GTF2H1: variants seen among roughly 807,000 people sequenced by gnomAD.
The protein encoded by GTF2H1 is general transcription factor IIH subunit 1, also known as BTF2 p62.
In GTF2H1, 16 loss-of-function variants were observed where a neutral mutation model predicts 71.2. The observed-to-expected ratio is 0.22, with a 90% CI of 0.15 to 0.34. The LOEUF (loss-of-function observed/expected upper bound fraction) is 0.34, where lower values mean the gene tolerates loss of function less well. Among genes scored for constraint, GTF2H1 ranks in the 10% least tolerant of loss-of-function variants. The pLI is 1.00. For missense variants in GTF2H1, 498 were observed against 648.2 expected (o/e 0.77, Z 2.52); for synonymous variants, 215 against 219.0 (o/e 0.98, Z 0.16).
In GTF2H1 at chr11:18,335,801, G is replaced by C; in HGVS notation, c.202G>C (p.Val68Leu). Reference protein sequence around the residue: ...EGKAKIQLQLVLHAGDTTNFH... With the variant: ...EGKAKIQLQLLLHAGDTTNFH... ...AAAAGCTAAAATTCAGCTTCAGCTGGTCCTACATGCAGGGGACACAACTAA... is the reference window on the plus strand; with the variant it reads ...AAAAGCTAAAATTCAGCTTCAGCTGCTCCTACATGCAGGGGACACAACTAA... Residue 68 changes from valine to leucine, a missense_variant, in exon 3 of 15, where the codon GTC becomes CTC. By Grantham distance (32) the Val-to-Leu change is conservative (BLOSUM62 1). Around this residue, in one of 3 missense-constraint regions of GTF2H1, gnomAD observed 216 missense variants for 306.2 expected, o/e 0.71. Coordinates refer to ENST00000265963, the MANE Select transcript of GTF2H1 (RefSeq NM_005316.4). 6.2e-7 allele frequency: 1 copy of C among 1,614,064 alleles called. No homozygotes were observed. Among genetic ancestry groups the C allele is most frequent in the African/African-American group, 1.3e-5 (1 of 75,026 alleles).
intron 4 of GTF2H1, 41 bp from the exon 5 acceptor site, chr11:18,339,523 C>G: frequency 7.2e-7 from 1 of 1,396,258 alleles, no homozygotes; most frequent in East Asian, 2.3e-5. Flanking sequence ...CCATCTTTCC[C>G]TGATGCTCTA....
At chr11:18,346,867 A>G (rs1481273269) in intron 7 of GTF2H1, among the ~76,000 whole-genome samples, 1 of 144,200 alleles carries the variant, frequency 6.9e-6, no homozygotes, top group Non-Finnish European at 1.5e-5. Context: ...AGCCTCCCCA[A>G]CAGCTGGGAT....
intron 1 of GTF2H1, among the ~76,000 whole-genome samples, chr11:18,331,233 T>C (rs1590181581): frequency 3.3e-5 from 5 of 152,244 alleles, no homozygotes. Context: ...ATTTTTGTAT[T>C]TTTTGTGGGA....
chr11:18,360,692 G>C lies in GTF2H1; in HGVS notation c.1545G>C (p.Gln515His), dbSNP rs750224253. ...CATTCCAAGAAAAGATTCGGAGACA[G>C]TATTTAAGCACAAATGTAAGGCAGC... is the stretch of plus-strand genomic sequence containing the variant. The part of the protein sequence containing the change: ...LCPFQEKIRR[Q>H]YLSTNLVSHI... The change falls in exon 14 of 15, where the codon CAG becomes CAC. Residue 515 changes from glutamine (Q) to histidine (H), a missense_variant. By Grantham distance (24) the Gln-to-His change is conservative. This residue lies in a region of GTF2H1 where 266 missense variants were observed against 301.6 expected (regional missense o/e 0.88). Transcript: ENST00000265963. 1.7e-5 allele frequency: 26 copies of C among 1,552,516 alleles called. No individual in the cohort carries two copies. The South Asian group carries it at 2.7e-4, about 16-fold the overall frequency.
intron 2 of GTF2H1, among the ~76,000 whole-genome samples, chr11:18,334,205 C>T (rs1355343763): frequency 6.6e-6 from 1 of 152,148 alleles, no homozygotes; most frequent in Non-Finnish European, 1.5e-5. Context: ...CAATGAAACC[C>T]CATCTCTACT....
chr11:18,345,484 G>T (rs1217491842), intron 7 of GTF2H1, among the ~76,000 whole-genome samples: 1 of 151,056 alleles, frequency 6.6e-6, no homozygotes, highest in East Asian at 1.9e-4. Flanking sequence ...ATACATTGAT[G>T]AACAGCATAT....
In GTF2H1 at chr11:18,351,227, G is replaced by GAAAAAAA. The variant is rs570927805; in HGVS notation, c.1054-650_1054-644dup. Among the ~76,000 whole-genome samples, 738 of 140,654 alleles carry GAAAAAAA rather than the reference G, an allele frequency of 5.2e-3. 8 individuals carry two copies. Among genetic ancestry groups the GAAAAAAA allele is most frequent in the African/African-American group, 0.021 (710 of 34,628 alleles). The allele number at this position is 140,654 out of a possible 152,430, so 92.3% of individuals were successfully genotyped here. A position where few individuals can be genotyped will look rare whatever the true frequency, so the allele number is the denominator to read the frequency against. On this transcript the variant is annotated intron_variant, in intron 9 of 14. Coordinates refer to ENST00000265963, the MANE Select transcript of GTF2H1 (RefSeq NM_005316.4). ...CTGGGGAGGTGGTGATATGCGCCTA[G>GAAAAAAA]AAAAAAAAAATTTTTTAAGCCACAG...
intron 1 of GTF2H1, among the ~76,000 whole-genome samples, chr11:18,329,419 C>T (rs1864843668): frequency 6.6e-6 from 1 of 152,204 alleles, no homozygotes; most frequent in African/African-American, 2.4e-5. Context: ...GGGGTATGGG[C>T]AAGCAACCAT....
chr11:18,358,438 C>G (rs1355889519), intron 12 of GTF2H1, 87 bp from the exon 13 acceptor site: 1 of 734,752 alleles, frequency 1.4e-6, no homozygotes, highest in Admixed American at 2.3e-5. Flanking sequence ...AGTACACATT[C>G]AAATTTATTC....
At chr11:18,333,534 C>T (rs889227074) in intron 2 of GTF2H1, 2 of 188,818 alleles carry the variant, frequency 1.1e-5, no homozygotes, top group Non-Finnish European at 2.2e-5. Flanking sequence ...TGTGGTTGGA[C>T]ACTTAGGAAG....
At chr11:18,336,994 G>A (rs1441504892) in intron 3 of GTF2H1, among the ~76,000 whole-genome samples, 1 of 152,076 alleles carries the variant, frequency 6.6e-6, no homozygotes, top group African/African-American at 2.4e-5. Flanking sequence ...CAAGTGATCT[G>A]CCTGCCTGGG....
At chr11:18,351,182 A>G (rs1384596435) in intron 9 of GTF2H1, among the ~76,000 whole-genome samples, 3 of 152,064 alleles carry the variant, frequency 2.0e-5, no homozygotes, top group South Asian at 2.1e-4. Context: ...AATCTCCGCA[A>G]TTTAGGAGAC....
intron 11 of GTF2H1, among the ~76,000 whole-genome samples, chr11:18,354,689 A>G (rs952208340): frequency 1.3e-5 from 2 of 152,190 alleles, no homozygotes; most frequent in African/African-American, 4.8e-5. Flanking sequence ...CAGCCCTTCT[A>G]TGTATATCAG....
intron 14 of GTF2H1, among the ~76,000 whole-genome samples, chr11:18,364,084 G>A (rs1015367893): frequency 2.0e-5 from 3 of 151,724 alleles, no homozygotes; most frequent in Admixed American, 6.6e-5. Context: ...AAAAAAAAAA[G>A]AAAAGGATGC....
chr11:18,363,104 C>T (rs1360609420), intron 14 of GTF2H1, among the ~76,000 whole-genome samples: 1 of 152,132 alleles, frequency 6.6e-6, no homozygotes, highest in Non-Finnish European at 1.5e-5. Context: ...TCTTGTCCCA[C>T]TGAAAAGTCT....
intron 11 of GTF2H1, among the ~76,000 whole-genome samples, chr11:18,356,964 T>C (rs1282582095): frequency 1.3e-5 from 2 of 152,048 alleles, no homozygotes; most frequent in Admixed American, 6.6e-5. Flanking sequence ...CTAATTTTTT[T>C]GTATTTTTTG....
intron 1 of GTF2H1, among the ~76,000 whole-genome samples, chr11:18,326,868 A>G (rs191754470): frequency 6.6e-6 from 1 of 152,232 alleles, no homozygotes; most frequent in East Asian, 1.9e-4. Flanking sequence ...ATTTTTCTTA[A>G]AACATATGTT....
chr11:18,337,259 C>A (rs1865049975), intron 3 of GTF2H1, among the ~76,000 whole-genome samples: 1 of 151,926 alleles, frequency 6.6e-6, no homozygotes, highest in African/African-American at 2.4e-5. Flanking sequence ...TGAAACTCCA[C>A]GTCTACTAAA....
At chr11:18,365,639 A>C (rs888935494) in intron 14 of GTF2H1, 144 bp from the exon 15 acceptor site, 68 of 605,512 alleles carry the variant, frequency 1.1e-4, no homozygotes, top group Non-Finnish European at 1.8e-4. Flanking sequence ...GCACCTTCTC[A>C]GAGGGCTTGC....
Sources: allele counts gnomAD v4.1 joint callset (sites outside exome capture counted in the v4.1 genomes callset), GRCh38; gene constraint gnomAD v4.1.1; regional missense constraint gnomAD v4.1.1; transcripts MANE v1.5; gene names NCBI Gene and HGNC (gene_info 2026-07-23, HGNC 2026-07-21).